RASA2: variants seen among roughly 807,000 people sequenced by gnomAD.
RASA2 encodes ras GTPase-activating protein 2.
RASA2 carries 155 observed loss-of-function variants against 118.2 expected under a neutral mutation model. The observed-to-expected ratio is 1.31, with a 90% CI of 1.15 to 1.50. The LOEUF is 1.50. RASA2 is among the 40% of genes most tolerant of loss of function. The probability of loss-of-function intolerance (pLI) is 0.00; values close to 1 mark genes in which losing one functional copy is unlikely to be tolerated. For missense variants in RASA2, 1,016 were observed against 1,009.6 expected, an observed-to-expected ratio of 1.01 and a Z score of -0.09; for synonymous variants, 353 against 349.1, an observed-to-expected ratio of 1.01 and a Z score of -0.12.
intron 9 of RASA2, among the ~76,000 whole-genome samples, chr3:141,567,996 T>C (rs182165943): frequency 5.3e-5 from 8 of 152,314 alleles, no homozygotes; most frequent in African/African-American, 1.9e-4. Flanking sequence ...CCCAGTCTCT[T>C]AGTAAGGAGG....
At chr3:141,489,048 CA>C (rs1300914666) in intron 1 of RASA2, among the ~76,000 whole-genome samples, 2 of 151,676 alleles carry the variant, frequency 1.3e-5, no homozygotes, top group Non-Finnish European at 2.9e-5. Flanking sequence ...AAAAGAAAAA[CA>C]AAAAACCACT....
chr3:141,610,847 T>A (rs2083639988), intron 23 of RASA2, among the ~76,000 whole-genome samples: 1 of 151,950 alleles, frequency 6.6e-6, no homozygotes, highest in African/African-American at 2.4e-5. Context: ...ACTTAGTAGC[T>A]CTTCGTTTTG....
chr3:141,554,065 A>G (rs1405807799), intron 6 of RASA2, 125 bp downstream of exon 6: 1 of 1,407,030 alleles, frequency 7.1e-7, no homozygotes, highest in Non-Finnish European at 9.3e-7. Context: ...AATGCTTTGA[A>G]AGAAAAATCT....
At chr3:141,528,701 T>C (rs1374361251) in intron 3 of RASA2, among the ~76,000 whole-genome samples, 2 of 151,982 alleles carry the variant, frequency 1.3e-5, no homozygotes, top group African/African-American at 4.8e-5. Flanking sequence ...TTTGTTTTCC[T>C]GTTCCTTCCT....
intron 1 of RASA2, among the ~76,000 whole-genome samples, chr3:141,501,754 A>G (rs2081784482): frequency 6.6e-6 from 1 of 152,188 alleles, no homozygotes; most frequent in Admixed American, 6.5e-5. Context: ...TCTTATTTAT[A>G]TGGAATTAGA....
rs1417718142 is a variant in RASA2 at position 141,613,191 on chromosome 3, C to T, written c.*878C>T. 1 of 152,166 alleles carries T rather than the reference C, an allele frequency of 6.6e-6. No individual in the cohort carries two copies. The highest frequency in any genetic ancestry group is 1.5e-5 in the Non-Finnish European group (1 of 68,018). The allele number at this position is 152,166 out of a possible 1,614,324, so 9.4% of individuals were successfully genotyped here. A position where few individuals can be genotyped will look rare whatever the true frequency, so the allele number is the denominator to read the frequency against. Reference sequence around the variant, plus strand: ...TAATAAGGGCCACCATAAGGATGCCCTCCTCATAGTGTTCGGTTCTGATCT... The same window carrying T: ...TAATAAGGGCCACCATAAGGATGCCTTCCTCATAGTGTTCGGTTCTGATCT... On this transcript the variant is annotated 3_prime_UTR_variant, in exon 24 of 24. Coordinates refer to ENST00000286364, the MANE Select transcript of RASA2 (RefSeq NM_006506.5).
chr3:141,602,178 A>G (rs1015474208), intron 19 of RASA2, among the ~76,000 whole-genome samples: 2 of 152,132 alleles, frequency 1.3e-5, no homozygotes, highest in Non-Finnish European at 2.9e-5. Flanking sequence ...GTTTTTTTAT[A>G]TGTCTTACTT....
In RASA2 at chr3:141,607,735, AAG is replaced by A. The variant is rs1488591627; in HGVS notation, c.1996_1997del (p.Ser666LeufsTer23). On this transcript the variant is annotated frameshift_variant, in exon 20 of 24. Transcript: ENST00000286364. LOFTEE classifies it high-confidence loss of function. Reference sequence around the variant, plus strand: ...AACATTCTTGCTGTGGAAAAACTGGAAGAGAGCTCTTTCAACAAGAAAAATGT... The same window carrying A: ...AACATTCTTGCTGTGGAAAAACTGGAAGAGCTCTTTCAACAAGAAAAATGT... The A allele has an allele frequency of 6.3e-7, 1 of 1,598,884 alleles. No homozygotes were observed.
chr3:141,500,032 C>T (rs1266537433), intron 1 of RASA2, among the ~76,000 whole-genome samples: 2 of 152,174 alleles, frequency 1.3e-5, no homozygotes, highest in East Asian at 3.8e-4. Context: ...CATTGGAAAA[C>T]TCTGCTTAGT....
rs550729572 is a variant in RASA2, at chr3:141,512,379, C to G, written c.251+99C>G. 3.0e-5 allele frequency: 25 copies of G among 831,922 alleles called. No homozygotes were observed. In the Admixed American group the frequency reaches 6.0e-4, roughly 20 times the overall value. 51.5% of individuals were successfully genotyped at this position (831,922 alleles called of 1,614,324 possible). ...AATAATCAAGAAGACAAGACAGAAA[C>G]AGTGCTTGCTTTCATGTGGCTTTTC... On this transcript the variant is annotated intron_variant, in intron 2 of 23. Transcript: ENST00000286364.
intron 19 of RASA2, among the ~76,000 whole-genome samples, chr3:141,592,040 T>C (rs957347716): frequency 2.0e-5 from 3 of 152,170 alleles, no homozygotes; most frequent in African/African-American, 7.2e-5. Flanking sequence ...CCTGTCCTTA[T>C]AGATCTTTAC....
intron 1 of RASA2, among the ~76,000 whole-genome samples, chr3:141,504,347 T>C (rs894134151): frequency 6.7e-6 from 1 of 150,334 alleles, no homozygotes. Context: ...ACAGATTGTC[T>C]GCACTTGGAT....
At chr3:141,576,592 G>GT in intron 14 of RASA2, among the ~76,000 whole-genome samples, 1 of 152,196 alleles carries the variant, frequency 6.6e-6, no homozygotes, top group Admixed American at 6.5e-5. Flanking sequence ...AAGATTTTTG[G>GT]GGGGGATATT....
intron 19 of RASA2, among the ~76,000 whole-genome samples, chr3:141,595,923 C>T (rs1453339099): frequency 6.6e-6 from 1 of 152,176 alleles, no homozygotes; most frequent in Non-Finnish European, 1.5e-5. Context: ...CTGGCCTGTA[C>T]TTGAATATTT....
intron 3 of RASA2, among the ~76,000 whole-genome samples, chr3:141,520,670 A>G (rs1409349608): frequency 1.3e-5 from 2 of 152,194 alleles, no homozygotes; most frequent in Admixed American, 6.5e-5. Context: ...ACACACATAT[A>G]TACACATACA....
intron 2 of RASA2, among the ~76,000 whole-genome samples, chr3:141,513,343 T>G (rs967893177): frequency 1.1e-4 from 16 of 152,034 alleles, no homozygotes; most frequent in African/African-American, 3.6e-4. Context: ...TGAAAATACT[T>G]TAGTAGCCCA....
At chr3:141,529,827 C>T (rs1304239537) in intron 4 of RASA2, 25 bp downstream of exon 4, 5 of 1,507,976 alleles carry the variant, frequency 3.3e-6, no homozygotes, top group South Asian at 1.2e-5. Flanking sequence ...TTATGTAATA[C>T]AAGAGATTGT....
intron 1 of RASA2, among the ~76,000 whole-genome samples, chr3:141,497,703 GA>G (rs36013391): frequency 0.28 from 36,151 of 128,146 alleles, 4,779 homozygotes; most frequent in Non-Finnish European, 0.35. Flanking sequence ...TTCTACAAAC[GA>G]AAAAAAAAAA....
chr3:141,522,158 C>T (rs2082120661), intron 3 of RASA2, among the ~76,000 whole-genome samples: 1 of 151,702 alleles, frequency 6.6e-6, no homozygotes, highest in Non-Finnish European at 1.5e-5. Flanking sequence ...CATTTATTCT[C>T]ATTGTACCAG....
Sources: allele counts gnomAD v4.1 joint callset (sites outside exome capture counted in the v4.1 genomes callset), GRCh38; gene constraint gnomAD v4.1.1; transcripts MANE v1.5; gene names NCBI Gene and HGNC (gene_info 2026-07-23, HGNC 2026-07-21).